Variants in CDH18 observed in about 807,000 individuals in gnomAD.
The protein encoded by CDH18 is cadherin 18.
In CDH18, 31 loss-of-function variants were observed where a neutral mutation model predicts 67.9. The observed-to-expected ratio is 0.46, with a 90% CI of 0.34 to 0.62. The LOEUF is 0.62. Among genes scored for constraint, CDH18 ranks in the 20% least tolerant of loss-of-function variants. The pLI is 0.01. For missense variants in CDH18, 890 were observed against 975.5 expected, an observed-to-expected ratio of 0.91 and a Z score of 1.17; for synonymous variants, 362 against 347.2, an observed-to-expected ratio of 1.04 and a Z score of -0.48.
chr5:19,817,246 G>A (rs192139879), intron 3 of CDH18, among the ~76,000 whole-genome samples: 1 of 151,824 alleles, frequency 6.6e-6, no homozygotes, highest in Non-Finnish European at 1.5e-5. Context: ...TCTCTGTAAA[G>A]AAACAAACAC....
intron 2 of CDH18, among the ~76,000 whole-genome samples, chr5:19,871,690 TC>T (rs1200243858): frequency 6.6e-6 from 1 of 152,018 alleles, no homozygotes; most frequent in Non-Finnish European, 1.5e-5. Flanking sequence ...CTTGTATGTC[TC>T]CCCTGCTCTG....
intron 3 of CDH18, among the ~76,000 whole-genome samples, chr5:19,777,153 G>C (rs895789531): frequency 6.6e-6 from 1 of 152,148 alleles, no homozygotes; most frequent in Non-Finnish European, 1.5e-5. Flanking sequence ...GATGGCACAT[G>C]CCTGTAATCC....
chr5:19,548,874 C>T (rs1736824019), intron 8 of CDH18, among the ~76,000 whole-genome samples: 2 of 151,932 alleles, frequency 1.3e-5, no homozygotes, highest in African/African-American at 2.4e-5. Flanking sequence ...CCTCAGCCTC[C>T]CGAGTAGCTG....
At chr5:19,811,161 G>GAAA (rs1491122708) in intron 3 of CDH18, among the ~76,000 whole-genome samples, 3,447 of 27,580 alleles carry the variant, frequency 0.12, 715 homozygotes, top group Non-Finnish European at 0.14. Flanking sequence ...AAAGAAAGAA[G>GAAA]GAGAGAAAGA....
intron 6 of CDH18, 35 bp downstream of exon 6, chr5:19,612,399 A>ATGATAAATTC (rs749585570): frequency 1.2e-5 from 19 of 1,595,278 alleles, no homozygotes; most frequent in Non-Finnish European, 1.6e-5. Flanking sequence ...TAAAGAGATA[A>ATGATAAATTC]TGATAAATTC....
intron 2 of CDH18, among the ~76,000 whole-genome samples, chr5:20,175,141 C>T (rs995107129): frequency 6.6e-6 from 1 of 151,136 alleles, no homozygotes; most frequent in Non-Finnish European, 1.5e-5. Context: ...AAGTGTAATG[C>T]CAACAAGAGG....
intron 7 of CDH18, among the ~76,000 whole-genome samples, chr5:19,586,476 G>A (rs925007323): frequency 6.6e-6 from 1 of 151,988 alleles, no homozygotes. Flanking sequence ...TTCTGTTCCC[G>A]CATTAGTTTG....
At chr5:19,796,293 A>T (rs1776841763) in intron 3 of CDH18, among the ~76,000 whole-genome samples, 1 of 152,130 alleles carries the variant, frequency 6.6e-6, no homozygotes, top group African/African-American at 2.4e-5. Context: ...TCCTTTGAAA[A>T]CTAAAAATAT....
At chr5:19,999,914 A>G (rs1342975916) in intron 2 of CDH18, among the ~76,000 whole-genome samples, 1 of 152,176 alleles carries the variant, frequency 6.6e-6, no homozygotes, top group African/African-American at 2.4e-5. Context: ...TTTTATCGAT[A>G]ATTCTCAAAT....
intron 8 of CDH18, among the ~76,000 whole-genome samples, chr5:19,561,834 T>C (rs1739511431): frequency 6.6e-6 from 1 of 152,168 alleles, no homozygotes; most frequent in African/African-American, 2.4e-5. Context: ...TAGAGTTGTC[T>C]TAGTCATCTT....
At chr5:19,935,646 G>T (rs1318384915) in intron 2 of CDH18, among the ~76,000 whole-genome samples, 1 of 150,574 alleles carries the variant, frequency 6.6e-6, no homozygotes, top group Non-Finnish European at 1.5e-5. Flanking sequence ...ACCTAACAAC[G>T]CATTTCTCAG....
chr5:20,094,213 G>A (rs1412853368), intron 2 of CDH18, among the ~76,000 whole-genome samples: 2 of 152,138 alleles, frequency 1.3e-5, no homozygotes, highest in African/African-American at 2.4e-5. Flanking sequence ...TGTTCCTCCT[G>A]TCTAGCCACC....
chr5:19,691,641 T>G (rs1358315108), intron 5 of CDH18, among the ~76,000 whole-genome samples: 2 of 151,810 alleles, frequency 1.3e-5, no homozygotes, highest in African/African-American at 4.8e-5. Flanking sequence ...TTACAATAGC[T>G]ATAAAAATAC....
At chr5:19,792,338 C>T (rs1461878498) in intron 3 of CDH18, among the ~76,000 whole-genome samples, 1 of 152,140 alleles carries the variant, frequency 6.6e-6, no homozygotes, top group East Asian at 1.9e-4. Context: ...AGCCTTCAGG[C>T]TTCGTAACTT....
At chr5:20,425,878 G>A (rs1323208896) in intron 1 of CDH18, among the ~76,000 whole-genome samples, 1 of 150,534 alleles carries the variant, frequency 6.6e-6, no homozygotes, top group Non-Finnish European at 1.5e-5. Flanking sequence ...TGTTTTAACT[G>A]GCTTGATAAA....
intron 7 of CDH18, among the ~76,000 whole-genome samples, chr5:19,589,223 T>C (rs1744702641): frequency 6.6e-6 from 1 of 152,112 alleles, no homozygotes; most frequent in Non-Finnish European, 1.5e-5. Flanking sequence ...TCAATGTTTA[T>C]AATCCAAAAT....
chr5:20,220,200 C>T lies in CDH18; in HGVS notation c.-518+35244G>A, dbSNP rs188107722. 1.4e-3 allele frequency among the ~76,000 whole-genome samples: 219 copies of T among 151,926 alleles called. 1 individual carries two copies. Among genetic ancestry groups the T allele is most frequent in the African/African-American group, 4.8e-3 (198 of 41,500 alleles). On this transcript the variant is annotated intron_variant, in intron 2 of 14. Transcript: ENST00000507958. Reference sequence around the variant, plus strand: ...AGCAAAAAGAGCAAAACGGGAGGAACCATGTTACCTGACATCAAATTATAC... The same window carrying T: ...AGCAAAAAGAGCAAAACGGGAGGAATCATGTTACCTGACATCAAATTATAC...
At chr5:20,257,902 T>G (rs1228121387) in intron 1 of CDH18, among the ~76,000 whole-genome samples, 2 of 152,124 alleles carry the variant, frequency 1.3e-5, no homozygotes, top group African/African-American at 4.8e-5. Context: ...GCTCTTGAAA[T>G]GATAATAAAG....
intron 10 of CDH18, among the ~76,000 whole-genome samples, chr5:19,516,490 T>C (rs2126870570): frequency 6.6e-6 from 1 of 152,058 alleles, no homozygotes; most frequent in East Asian, 1.9e-4. Context: ...AGACTTTTTT[T>C]GGTTGGTAGG....
Sources: gnomAD v4.1 joint callset for allele counts (sites outside exome capture counted in the v4.1 genomes callset) on GRCh38, gnomAD v4.1.1 for gene constraint, MANE v1.5 for transcripts, NCBI Gene and HGNC (gene_info 2026-07-23, HGNC 2026-07-21) for gene names.